Variants in RBM41 observed in about 807,000 individuals in gnomAD.
The protein encoded by RBM41 is RNA-binding protein 41.
Under a neutral mutation model 30.8 loss-of-function variants are expected in RBM41, and 14 were observed. That is an observed-to-expected ratio of 0.45 (90% CI 0.30 to 0.71). RBM41 has a LOEUF of 0.71. RBM41 is among the 30% of genes least tolerant of loss of function. The pLI is 0.08. For missense variants in RBM41, 276 were observed against 326.3 expected, an observed-to-expected ratio of 0.85 and a Z score of 1.19; for synonymous variants, 120 against 110.1, an observed-to-expected ratio of 1.09 and a Z score of -0.56.
chrX:107,083,261 T>C (rs1921712372), intron 6 of RBM41, among the ~76,000 whole-genome samples: 2 of 111,252 alleles, frequency 1.8e-5, no homozygotes, highest in Non-Finnish European at 3.8e-5. Context: ...TCTTGCACAG[T>C]TGCTGATGAG....
In RBM41 at chrX:107,064,204, C is replaced by T. The variant is rs957392979; in HGVS notation, c.*3323G>A. ...CTGACCCCATGATCTCCACCCGCCC[C>T]GGCCTCCCAAAGTGCTGGGATTACA... On this transcript the variant is annotated 3_prime_UTR_variant, in exon 8 of 8. Coordinates refer to ENST00000685964, the MANE Select transcript of RBM41 (RefSeq NM_001324242.2). 6.3e-5 allele frequency among the ~76,000 whole-genome samples: 7 copies of T among 110,458 alleles called. No homozygotes were observed. Among genetic ancestry groups the T allele is most frequent in the African/African-American group, 1.6e-4 (5 of 30,392 alleles).
chrX:107,070,731 G>A (rs926683899), intron 6 of RBM41, among the ~76,000 whole-genome samples: 5 of 110,956 alleles, frequency 4.5e-5, no homozygotes, highest in African/African-American at 1.3e-4. Context: ...CCTATTAGGC[G>A]GCACGGGAGG....
At position 107,067,259 on chromosome X, in the gene RBM41, G is replaced by T; in HGVS notation, c.*268C>A. Reference sequence around the variant, plus strand: ...TATAAAGATTTTTAAAAATCCTTAGGAATAATCCGTTGTAATTCATCCTGA... The same window carrying T: ...TATAAAGATTTTTAAAAATCCTTAGTAATAATCCGTTGTAATTCATCCTGA... On this transcript the variant is annotated 3_prime_UTR_variant, in exon 8 of 8. Transcript: ENST00000685964. 1 of 855,313 alleles carries T rather than the reference G, an allele frequency of 1.2e-6. No individual in the cohort carries two copies. Among genetic ancestry groups the T allele is most frequent in the Non-Finnish European group, 1.4e-6 (1 of 702,532 alleles). 70.5% of individuals were successfully genotyped at this position (855,313 alleles called of 1,213,427 possible).
At chrX:107,055,044 C>G in the RBM41 span, among the ~76,000 whole-genome samples, 1 of 112,289 alleles carries the variant, frequency 8.9e-6, no homozygotes, top group South Asian at 3.7e-4. Flanking sequence ...ACTAATATTT[C>G]CATCTCTGTT....
intron 4 of RBM41, 144 bp downstream of exon 4, chrX:107,115,208 T>A (rs1172353195): frequency 1.7e-6 from 1 of 576,890 alleles, no homozygotes; most frequent in African/African-American, 2.3e-5. Context: ...CATATTTGTC[T>A]CTCTTATGGT....
intron 6 of RBM41, among the ~76,000 whole-genome samples, chrX:107,083,742 T>C (rs907803606): frequency 4.5e-5 from 5 of 111,355 alleles, no homozygotes; most frequent in African/African-American, 1.6e-4. Flanking sequence ...AGCAACTCCT[T>C]TTGATTCTTT....
intron 6 of RBM41, among the ~76,000 whole-genome samples, chrX:107,072,349 C>T (rs1569326222): frequency 9.0e-6 from 1 of 111,475 alleles, no homozygotes; most frequent in Non-Finnish European, 1.9e-5. Flanking sequence ...TTTCTACACA[C>T]GAACAGCAAA....
intron 5 of RBM41, among the ~76,000 whole-genome samples, chrX:107,106,360 C>A (rs1179747101): frequency 3.6e-5 from 4 of 111,273 alleles, no homozygotes; most frequent in African/African-American, 1.3e-4. Flanking sequence ...ATTAAAAAGT[C>A]AGGAAACAAC....
chrX:107,104,387 T>C (rs1173455803), intron 5 of RBM41, among the ~76,000 whole-genome samples: 5 of 111,285 alleles, frequency 4.5e-5, no homozygotes, highest in Non-Finnish European at 9.4e-5. Context: ...AATGGTAGAT[T>C]CCAGATGGTA....
At chrX:107,077,422 C>T (rs982665998) in intron 6 of RBM41, among the ~76,000 whole-genome samples, 2 of 111,312 alleles carry the variant, frequency 1.8e-5, no homozygotes, top group Non-Finnish European at 1.9e-5. Context: ...CGTGAGCCAC[C>T]GCACCTGGCC....
chrX:107,077,578 A>ACACACACACACT (rs1251498349), intron 6 of RBM41, among the ~76,000 whole-genome samples: 1 of 102,957 alleles, frequency 9.7e-6, no homozygotes, highest in African/African-American at 3.8e-5. Context: ...TACATAACAC[A>ACACACACACACT]CACACACACA....
At chrX:107,113,566 G>A (rs1408208499) in intron 4 of RBM41, 98 bp from the exon 5 acceptor site, 2 of 918,578 alleles carry the variant, frequency 2.2e-6, no homozygotes, top group African/African-American at 2.1e-5. Context: ...TGCTTTAAGT[G>A]ATTTACATGT....
At chrX:107,068,350 A>T (rs764166859) in intron 7 of RBM41, among the ~76,000 whole-genome samples, 1 of 111,649 alleles carries the variant, frequency 9.0e-6, no homozygotes, top group Non-Finnish European at 1.9e-5. Context: ...AGTACTACAA[A>T]TTTTTTTAAG....
intron 5 of RBM41, among the ~76,000 whole-genome samples, chrX:107,112,120 T>C (rs763223762): frequency 2.7e-5 from 3 of 111,446 alleles, no homozygotes; most frequent in East Asian, 5.6e-4. Flanking sequence ...TGGGAAAAAA[T>C]GTGTGAAAAT....
chrX:107,055,388 G>A, the RBM41 span, among the ~76,000 whole-genome samples: 3 of 111,587 alleles, frequency 2.7e-5, no homozygotes, highest in African/African-American at 9.8e-5. Context: ...GCAGTGGCAC[G>A]ATCTTGGCTC....
In RBM41 at chrX:107,063,082, C is replaced by T. The variant is rs1342139679; in HGVS notation, c.*4445G>A. On this transcript the variant is annotated 3_prime_UTR_variant, in exon 8 of 8. Transcript: ENST00000685964. ...TACACCACACAATTCACCCATTTAA[C>T]GTGTACAATTCCTGGTTTTTAGTAT... 9.0e-6 allele frequency among the ~76,000 whole-genome samples: 1 copy of T among 111,327 alleles called. No homozygotes were observed. The highest frequency in any genetic ancestry group is 9.6e-5 in the Admixed American group (1 of 10,408).
At chrX:107,081,226 T>G (rs1163899095) in intron 6 of RBM41, among the ~76,000 whole-genome samples, 1 of 111,583 alleles carries the variant, frequency 9.0e-6, no homozygotes, top group Non-Finnish European at 1.9e-5. Context: ...ATTCATTTTT[T>G]TTTTACATGT....
chrX:107,066,804 A>C lies in RBM41; in HGVS notation c.*723T>G, dbSNP rs761503195. On this transcript the variant is annotated 3_prime_UTR_variant, in exon 8 of 8. Transcript: ENST00000685964. Reference sequence around the variant, plus strand: ...TCTTTGCTTGTATGTTCCTCTTCTAAAATTCATATGCCTAATATTTAACAT... The same window carrying C: ...TCTTTGCTTGTATGTTCCTCTTCTACAATTCATATGCCTAATATTTAACAT... 8.2e-6 allele frequency: 6 copies of C among 734,559 alleles called. No individual in the cohort carries two copies. The South Asian group carries it at 3.5e-4, about 43-fold the overall frequency. The allele number at this position is 734,559 out of a possible 1,213,427, so 60.5% of individuals were successfully genotyped here. A position where few individuals can be genotyped will look rare whatever the true frequency, so the allele number is the denominator to read the frequency against.
At chrX:107,072,626 T>C (rs756307055) in intron 6 of RBM41, among the ~76,000 whole-genome samples, 7 of 109,955 alleles carry the variant, frequency 6.4e-5, no homozygotes, top group African/African-American at 2.0e-4. Context: ...ACACTCTTCA[T>C]AGAAAAAGAA....
Sources: gnomAD v4.1 joint callset for allele counts (sites outside exome capture counted in the v4.1 genomes callset) on GRCh38, gnomAD v4.1.1 for gene constraint, MANE v1.5 for transcripts, NCBI Gene and HGNC (gene_info 2026-07-23, HGNC 2026-07-21) for gene names.